The following CEP63 variants were observed in gnomAD, a reference collection of about 807,000 sequenced individuals.
CEP63 encodes the protein centrosomal protein of 63 kDa.
A neutral mutation model predicts 89.1 loss-of-function variants in CEP63; 84 were observed. That is an observed-to-expected ratio of 0.94 (90% CI 0.79 to 1.13). The LOEUF is 1.13. CEP63 is among the 50% of genes most tolerant of loss of function. The pLI, the probability that CEP63 is intolerant of heterozygous loss-of-function variation, is 0.00. For synonymous variants in CEP63, 267 were observed against 272.5 expected (o/e 0.98, Z 0.20); for missense variants, 838 against 813.3 (o/e 1.03, Z -0.37).
the CEP63 span, among the ~76,000 whole-genome samples, chr3:134,597,071 G>C: frequency 6.6e-6 from 1 of 152,174 alleles, no homozygotes; most frequent in African/African-American, 2.4e-5. Context: ...CTCAGGGAGA[G>C]TGATGGGAGA....
At chr3:134,713,343 C>G in the CEP63 span, among the ~76,000 whole-genome samples, 2 of 152,076 alleles carry the variant, frequency 1.3e-5, no homozygotes. Context: ...GGCATGTCAC[C>G]CAGTTCCAGC....
At chr3:134,520,039 A>G (rs148967341) in intron 3 of CEP63, among the ~76,000 whole-genome samples, 52 of 152,336 alleles carry the variant, frequency 3.4e-4, no homozygotes, top group African/African-American at 1.1e-3. Context: ...GATGCCCAGT[A>G]TCACCACTTT....
the CEP63 span, chr3:134,603,377 C>A: frequency 4.6e-4 from 235 of 506,524 alleles, 1 homozygote; most frequent in African/African-American, 4.0e-3. Context: ...GCCTCTGCCC[C>A]CTCAGTCACA....
chr3:134,598,581 C>T, the CEP63 span, among the ~76,000 whole-genome samples: 5 of 152,126 alleles, frequency 3.3e-5, no homozygotes, highest in Non-Finnish European at 7.4e-5. Context: ...AAGACACAAA[C>T]AGTATAGCTG....
At chr3:134,743,749 C>T in the CEP63 span, among the ~76,000 whole-genome samples, 1 of 152,146 alleles carries the variant, frequency 6.6e-6, no homozygotes, top group Non-Finnish European at 1.5e-5. Flanking sequence ...CAATAGGGAC[C>T]TAGCTATGTC....
chr3:134,529,053 T>G (rs992114960), intron 3 of CEP63, among the ~76,000 whole-genome samples: 3 of 152,212 alleles, frequency 2.0e-5, no homozygotes, highest in Admixed American at 2.0e-4. Flanking sequence ...CATAATACCT[T>G]GAATCAGAGT....
chr3:134,651,321 CAGG>C, the CEP63 span: 1 of 1,169,082 alleles, frequency 8.6e-7, no homozygotes, highest in South Asian at 1.7e-5. Context: ...TCCTGGGCTC[CAGG>C]GCTTCTCTGG....
the CEP63 span, among the ~76,000 whole-genome samples, chr3:134,749,243 T>A: frequency 6.6e-6 from 1 of 152,110 alleles, no homozygotes; most frequent in Non-Finnish European, 1.5e-5. Context: ...AATCCATAGG[T>A]CTGAGATGTG....
At chr3:134,643,374 G>GT in the CEP63 span, 4 of 1,613,778 alleles carry the variant, frequency 2.5e-6, no homozygotes, top group Non-Finnish European at 3.4e-6. Flanking sequence ...TCTCCACCAA[G>GT]TTTTCTATTT....
chr3:134,710,706 C>T, the CEP63 span, among the ~76,000 whole-genome samples: 3 of 142,168 alleles, frequency 2.1e-5, no homozygotes, highest in South Asian at 4.4e-4. Context: ...TTATCCATTC[C>T]TTTTTTTTTC....
chr3:134,606,856 G>T, the CEP63 span: 1 of 900,944 alleles, frequency 1.1e-6, no homozygotes, highest in Non-Finnish European at 1.3e-6. Context: ...CACTCTCCTA[G>T]AGCCTGGCAG....
chr3:134,701,816 A>G, the CEP63 span, among the ~76,000 whole-genome samples: 1 of 152,192 alleles, frequency 6.6e-6, no homozygotes, highest in African/African-American at 2.4e-5. Context: ...ATAATCCTAT[A>G]TCTAGAAAAC....
chr3:134,744,031 G>C, the CEP63 span, among the ~76,000 whole-genome samples: 1 of 152,132 alleles, frequency 6.6e-6, no homozygotes, highest in Non-Finnish European at 1.5e-5. Context: ...CTAGGTCTCT[G>C]TGGAGTGTGA....
chr3:134,725,668 T>C, the CEP63 span, among the ~76,000 whole-genome samples: 1 of 152,250 alleles, frequency 6.6e-6, no homozygotes, highest in Non-Finnish European at 1.5e-5. Flanking sequence ...TGGTGAAAAT[T>C]AACTGACTTG....
At chr3:134,579,687 T>C (rs1485388918), downstream of CEP63, among the ~76,000 whole-genome samples, 1 of 152,236 alleles carries the variant, frequency 6.6e-6, no homozygotes, top group Non-Finnish European at 1.5e-5. Context: ...ACAGTAATTC[T>C]ACTGCTAGGT....
downstream of CEP63, among the ~76,000 whole-genome samples, chr3:134,588,762 A>ACAAAAT (rs1430822062): frequency 3.3e-5 from 5 of 152,206 alleles, no homozygotes; most frequent in Non-Finnish European, 5.9e-5. Flanking sequence ...AGAGAAAACA[A>ACAAAAT]CAAAATCAAA....
the CEP63 span, among the ~76,000 whole-genome samples, chr3:134,653,886 C>T: frequency 0.017 from 2,660 of 152,274 alleles, 26 homozygotes; most frequent in Non-Finnish European, 0.028. Flanking sequence ...ACCATACTAG[C>T]CCCTCCATCC....
chr3:134,489,158 CA>C (rs765548189), intron 1 of CEP63, among the ~76,000 whole-genome samples: 4,673 of 60,730 alleles, frequency 0.077, 183 homozygotes, highest in African/African-American at 0.22. Flanking sequence ...GAGACTGTCT[CA>C]AAAAAAAAAA....
chr3:134,688,892 T>C, the CEP63 span, among the ~76,000 whole-genome samples: 29 of 152,358 alleles, frequency 1.9e-4, no homozygotes, highest in Non-Finnish European at 3.5e-4. Context: ...TGGATCCTCA[T>C]GACAAAGGTC....
Sources: allele counts gnomAD v4.1 joint callset (sites outside exome capture counted in the v4.1 genomes callset), GRCh38; gene constraint gnomAD v4.1.1; transcripts MANE v1.5; gene names NCBI Gene and HGNC (gene_info 2026-07-23, HGNC 2026-07-21).